Variants in SLC6A5 observed in about 807,000 individuals in gnomAD.
The protein encoded by SLC6A5 is solute carrier family 6 member 5, also known as sodium- and chloride-dependent glycine transporter 2.
SLC6A5 carries 58 observed loss-of-function variants against 90.5 expected under a neutral mutation model. The ratio of observed to expected loss-of-function variants is 0.64; its 90% CI spans 0.52 to 0.80. SLC6A5 has a LOEUF of 0.80. Ranked by LOEUF, SLC6A5 falls within the 30% of genes least tolerant of loss-of-function variation. The pLI is 0.00. For missense variants in SLC6A5, 1,015 were observed against 1,017.6 expected, an observed-to-expected ratio of 1.00 and a Z score of 0.03; for synonymous variants, 427 against 401.4, an observed-to-expected ratio of 1.06 and a Z score of -0.76.
At chr11:20,604,962 T>G (rs1852550034) in intron 3 of SLC6A5, among the ~76,000 whole-genome samples, 1 of 152,202 alleles carries the variant, frequency 6.6e-6, no homozygotes, top group African/African-American at 2.4e-5. Context: ...TTGATTTTAG[T>G]AAAATCTTAC....
intron 7 of SLC6A5, among the ~76,000 whole-genome samples, chr11:20,622,005 C>A (rs898232254): frequency 3.3e-5 from 5 of 151,904 alleles, no homozygotes; most frequent in African/African-American, 7.3e-5. Context: ...GCTGTTGGGC[C>A]TTTACCACCT....
At chr11:20,618,725 C>G (rs1852831219) in intron 7 of SLC6A5, among the ~76,000 whole-genome samples, 1 of 152,008 alleles carries the variant, frequency 6.6e-6, no homozygotes, top group Non-Finnish European at 1.5e-5. Context: ...TCATTTGAAG[C>G]CTGGAGTTCG....
rs564991779 is a variant in SLC6A5 at position 20,628,036 on chromosome 11, C to G, written c.1452C>G (p.Gly484=). 8 of 1,614,020 alleles carry G rather than the reference C, an allele frequency of 5.0e-6. No homozygotes were observed. Among genetic ancestry groups the G allele is most frequent in the Non-Finnish European group, 6.8e-6 (8 of 1,180,016 alleles). Residue 484 remains glycine, a synonymous_variant, in exon 9 of 16, where the codon GGC becomes GGG. Transcript: ENST00000525748. The part of the protein sequence containing the change: ...IFFSLSAAWG[G]LITLSSYNKF... The stretch of plus-strand genomic sequence containing the variant: ...TCTCTTTATCTGCTGCATGGGGAGG[C>G]CTGATCACTCTCTCTTCTTACAACA...
In SLC6A5 at chr11:20,655,304, A is replaced by G. The variant is rs1853622895; in HGVS notation, c.*436A>G. ...ACTGAGCAATGTGGTGATCTTGTTC[A>G]GACACACAAAGTTCAAGACAGGTTT... On this transcript the variant is annotated 3_prime_UTR_variant, in exon 16 of 16. Coordinates refer to ENST00000525748, the MANE Select transcript of SLC6A5 (RefSeq NM_004211.5). 8.5e-6 allele frequency: 2 copies of G among 235,916 alleles called. No individual in the cohort carries two copies. The highest frequency in any genetic ancestry group is 1.0e-4 in the Admixed American group (2 of 19,856). The allele number at this position is 235,916 out of a possible 1,614,324, so 14.6% of individuals were successfully genotyped here.
chr11:20,655,075 C>A lies in SLC6A5; in HGVS notation c.*207C>A. 1 of 604,536 alleles carries A rather than the reference C, an allele frequency of 1.7e-6. No individual in the cohort carries two copies. The highest frequency in any genetic ancestry group is 1.8e-5 in the African/African-American group (1 of 55,154). The allele number at this position is 604,536 out of a possible 1,614,324, so 37.4% of individuals were successfully genotyped here. On this transcript the variant is annotated 3_prime_UTR_variant, in exon 16 of 16. Coordinates refer to ENST00000525748, the MANE Select transcript of SLC6A5 (RefSeq NM_004211.5). Reference sequence around the variant, plus strand: ...CATAGACCACCTGAAGCGCTGTTTGCCTGTGCCCATGGTGACTGTTTCTGG... The same window carrying A: ...CATAGACCACCTGAAGCGCTGTTTGACTGTGCCCATGGTGACTGTTTCTGG...
At position 20,655,113 on chromosome 11, in the gene SLC6A5, CCT is replaced by C. The variant is rs1468090086; in HGVS notation, c.*246_*247del. On this transcript the variant is annotated 3_prime_UTR_variant, in exon 16 of 16. Transcript: ENST00000525748. Reference sequence around the variant, plus strand: ...TGACTGTTTCTGGTCAGGTTGGTCCCCTGACCACACGTTTTACCCTGCAGAGG... The same window carrying C: ...TGACTGTTTCTGGTCAGGTTGGTCCCGACCACACGTTTTACCCTGCAGAGG... 3.9e-6 allele frequency: 2 copies of C among 517,922 alleles called. No homozygotes were observed. Among genetic ancestry groups the C allele is most frequent in the East Asian group, 3.9e-5 (1 of 25,774 alleles). 32.1% of individuals were successfully genotyped at this position (517,922 alleles called of 1,614,324 possible).
chr11:20,626,163 C>T (rs533813446), intron 7 of SLC6A5, among the ~76,000 whole-genome samples: 46 of 152,302 alleles, frequency 3.0e-4, no homozygotes, highest in South Asian at 6.2e-4. Flanking sequence ...AACTAAGATT[C>T]AGAGAGCTTA....
intron 6 of SLC6A5, among the ~76,000 whole-genome samples, chr11:20,617,470 G>A (rs1349305592): frequency 6.6e-6 from 1 of 152,216 alleles, no homozygotes; most frequent in African/African-American, 2.4e-5. Context: ...GGAACTGACA[G>A]CCTTGTCCTG....
At chr11:20,627,904 A>C (rs1448592346) in intron 8 of SLC6A5, 76 bp from the exon 9 acceptor site, 8 of 1,005,232 alleles carry the variant, frequency 8.0e-6, no homozygotes, top group Non-Finnish European at 1.3e-5. Context: ...ATGATATGGC[A>C]CTGGGTGTGT....
chr11:20,637,144 AGATG>A (rs1266866727), intron 11 of SLC6A5, 24 bp from the exon 12 acceptor site: 2 of 1,612,902 alleles, frequency 1.2e-6, no homozygotes, highest in Non-Finnish European at 1.7e-6. Context: ...AATTTGACTC[AGATG>A]TTCATTTCCT....
At chr11:20,615,130 C>G in intron 6 of SLC6A5, among the ~76,000 whole-genome samples, 1 of 152,182 alleles carries the variant, frequency 6.6e-6, no homozygotes, top group Non-Finnish European at 1.5e-5. Context: ...ATTTTTTCTT[C>G]CATCTGCACT....
chr11:20,626,899 T>A, intron 8 of SLC6A5, 57 bp downstream of exon 8: 1 of 1,512,890 alleles, frequency 6.6e-7, no homozygotes, highest in Non-Finnish European at 9.2e-7. Flanking sequence ...CTGGGAGGCT[T>A]GGGCAAAAAG....
intron 2 of SLC6A5, among the ~76,000 whole-genome samples, chr11:20,603,797 T>C (rs874681): frequency 0.75 from 113,647 of 152,020 alleles, 42,518 homozygotes; most frequent in South Asian, 0.81. Context: ...AAGGAAGAAA[T>C]GGCTGAGGAG....
Position 20,652,292 on chromosome 11 carries a change from A to G in SLC6A5, c.2074A>G (p.Ile692Val), listed in dbSNP as rs1291476714. 3 of 1,614,136 alleles carry G rather than the reference A, an allele frequency of 1.9e-6. No individual in the cohort carries two copies. The South Asian group carries it at 3.3e-5, about 18-fold the overall frequency. ...TGTGTCACTTTTCTCTTTCCAGTTTATCCTTTGCTTCAGCTTTTACCAGTG... is the reference window on the plus strand; with the variant it reads ...TGTGTCACTTTTCTCTTTCCAGTTTGTCCTTTGCTTCAGCTTTTACCAGTG... ...AFVTPTILTF[I>V]LCFSFYQWEP... Residue 692 changes from isoleucine (I) to valine (V), a missense_variant, in exon 15 of 16, where the codon ATC becomes GTC. Ile to Val is a conservative substitution (Grantham distance 29). Transcript: ENST00000525748.
In SLC6A5 at chr11:20,659,065, ATATATATAT is replaced by A. The variant is rs1853670340; in HGVS notation, c.*4198_*4206del. The A allele has an allele frequency of 1.4e-5, 2 of 144,336 alleles. No homozygotes were observed. The highest frequency in any genetic ancestry group is 3.0e-5 in the Non-Finnish European group (2 of 66,586). 8.9% of individuals were successfully genotyped at this position (144,336 alleles called of 1,614,324 possible). A position where few individuals can be genotyped will look rare whatever the true frequency, so the allele number is the denominator to read the frequency against. On this transcript the variant is annotated 3_prime_UTR_variant, in exon 16 of 16. Coordinates refer to ENST00000525748, the MANE Select transcript of SLC6A5 (RefSeq NM_004211.5). Reference sequence around the variant, plus strand: ...TACAAATGATGCATCATATATATATATATATATATATATATATCTTATAGATTACATATT... The same window carrying A: ...TACAAATGATGCATCATATATATATAATATATATCTTATAGATTACATATT...
chr11:20,653,184 C>G (rs981632681), intron 15 of SLC6A5, among the ~76,000 whole-genome samples: 3 of 152,170 alleles, frequency 2.0e-5, no homozygotes, highest in African/African-American at 7.2e-5. Flanking sequence ...CTCAGCCCTG[C>G]CTCGGTCTTG....
At chr11:20,636,958 G>A (rs1453292394) in intron 11 of SLC6A5, among the ~76,000 whole-genome samples, 2 of 152,210 alleles carry the variant, frequency 1.3e-5, no homozygotes, top group African/African-American at 4.8e-5. Context: ...GGGGTTGGAA[G>A]TGCAATTTTT....
chr11:20,642,168 C>T (rs897107362), intron 13 of SLC6A5, among the ~76,000 whole-genome samples: 5 of 150,270 alleles, frequency 3.3e-5, no homozygotes, highest in Middle Eastern at 3.4e-3. Flanking sequence ...AGCTGGAGAG[C>T]GCTAAACCAG....
chr11:20,654,828 A>C lies in SLC6A5; in HGVS notation c.2354A>C (p.Lys785Thr). 1 of 1,614,176 alleles carries C rather than the reference A, an allele frequency of 6.2e-7. No individual in the cohort carries two copies. Among genetic ancestry groups the C allele is most frequent in the East Asian group, 2.2e-5 (1 of 44,872 alleles). ...TTGGGAACCTCTTCCTTGGGACTCA[A>C]ACTGCCAGTGAAGGATTTGGAACTG... The part of the protein sequence containing the change: ...DPLGTSSLGL[K>T]LPVKDLELGT... The change falls in exon 16 of 16, where the codon AAA becomes ACA. Residue 785 changes from lysine to threonine, a missense_variant. Physicochemically the swap from Lys to Thr is moderately conservative, Grantham distance 78. Coordinates refer to ENST00000525748, the MANE Select transcript of SLC6A5 (RefSeq NM_004211.5).
Sources: gnomAD v4.1 joint callset for allele counts (sites outside exome capture counted in the v4.1 genomes callset) on GRCh38, gnomAD v4.1.1 for gene constraint, MANE v1.5 for transcripts, NCBI Gene and HGNC (gene_info 2026-07-23, HGNC 2026-07-21) for gene names.